HOGA1: variants seen among roughly 807,000 people sequenced by gnomAD.
HOGA1 encodes the protein 4-hydroxy-2-oxoglutarate aldolase 1.
HOGA1 carries 30 observed loss-of-function variants against 34.3 expected under a neutral mutation model. The ratio of observed to expected loss-of-function variants is 0.87; its 90% CI spans 0.65 to 1.19. The LOEUF (loss-of-function observed/expected upper bound fraction) is 1.19, where lower values mean the gene tolerates loss of function less well. HOGA1 is among the 50% of genes most tolerant of loss of function. The pLI, the probability that HOGA1 is intolerant of heterozygous loss-of-function variation, is 0.00. For missense variants in HOGA1, 417 were observed against 436.5 expected, an observed-to-expected ratio of 0.96 and a Z score of 0.40; for synonymous variants, 161 against 174.0, an observed-to-expected ratio of 0.93 and a Z score of 0.59.
chr10:97,591,531 G>A (rs980259096), intron 1 of HOGA1, among the ~76,000 whole-genome samples: 11 of 152,128 alleles, frequency 7.2e-5, no homozygotes, highest in African/African-American at 1.9e-4. Flanking sequence ...CTATCAACAC[G>A]TCACCTAAGG....
At position 97,611,580 on chromosome 10, in the gene HOGA1, G is replaced by C; in HGVS notation, c.905G>C (p.Cys302Ser). Reference sequence around the variant, plus strand: ...TGGTTTGGCTACTATGGAGGCCCCTGCCGCGCCCCCTTGCAGGAGCTGAGC... The same window carrying C: ...TGGTTTGGCTACTATGGAGGCCCCTCCCGCGCCCCCTTGCAGGAGCTGAGC... ...MDWFGYYGGP[C>S]RAPLQELSPA... Residue 302 changes from cysteine to serine, a missense_variant, in exon 7 of 7, where the codon TGC (cysteine) becomes TCC (serine). Physicochemically the swap from Cys to Ser is moderately radical, Grantham distance 112. Coordinates refer to ENST00000370646, the MANE Select transcript of HOGA1 (RefSeq NM_138413.4). 1 of 1,614,234 alleles carries C rather than the reference G, an allele frequency of 6.2e-7. No homozygotes were observed. Among genetic ancestry groups the C allele is most frequent in the African/African-American group, 1.3e-5 (1 of 75,068 alleles).
In HOGA1 at chr10:97,584,813, G is replaced by T. The variant is rs772722925; in HGVS notation, c.110G>T (p.Gly37Val). ...GAGGGGAAGAAGGTGGACATTGCGG[G>T]TATCTACCCCCCTGTGACCACCCCC... Reference protein sequence around the residue: ...SGEGKKVDIAGIYPPVTTPFT... With the variant: ...SGEGKKVDIAVIYPPVTTPFT... Residue 37 changes from glycine (G) to valine (V), a missense_variant, in exon 1 of 7, where the codon GGT becomes GTT. Physicochemically the swap from Gly to Val is moderately radical, Grantham distance 109 (BLOSUM62 -3). Coordinates refer to ENST00000370646, the MANE Select transcript of HOGA1 (RefSeq NM_138413.4). The T allele has an allele frequency of 1.3e-5, 21 of 1,614,058 alleles. No individual in the cohort carries two copies. Among genetic ancestry groups the T allele is most frequent in the Non-Finnish European group, 1.8e-5 (21 of 1,179,960 alleles).
intron 1 of HOGA1, chr10:97,590,658 C>T (rs1420225527): frequency 7.7e-7 from 1 of 1,296,312 alleles, no homozygotes; most frequent in East Asian, 2.3e-5. Context: ...TGTTTTCTCT[C>T]CTATGGGGCC....
chr10:97,588,420 A>G (rs992832415), intron 1 of HOGA1, among the ~76,000 whole-genome samples: 1 of 152,068 alleles, frequency 6.6e-6, no homozygotes, highest in African/African-American at 2.4e-5. Flanking sequence ...CGTGTTAGCC[A>G]GGATGGTCTC....
At chr10:97,591,860 ACAGAGT>A (rs1234560254) in intron 1 of HOGA1, among the ~76,000 whole-genome samples, 5 of 55,610 alleles carry the variant, frequency 9.0e-5, no homozygotes, top group African/African-American at 3.4e-4. Context: ...TGTGTGTGTG[ACAGAGT>A]CTCGCTTCAT....
At chr10:97,607,342 C>T (rs2041165158) in intron 6 of HOGA1, among the ~76,000 whole-genome samples, 1 of 152,172 alleles carries the variant, frequency 6.6e-6, no homozygotes, top group Non-Finnish European at 1.5e-5. Context: ...CAGCTGGGAG[C>T]GGGGGTGGCA....
chr10:97,593,044 A>AAAAAAAAAAAAAAAAAAAAAC, intron 1 of HOGA1, among the ~76,000 whole-genome samples: 1 of 150,918 alleles, frequency 6.6e-6, no homozygotes, highest in African/African-American at 2.4e-5. Flanking sequence ...AAAAAAAAAA[A>AAAAAAAAAAAAAAAAAAAAAC]AAAAAAAGAG....
At chr10:97,600,565 T>C (rs1291014545) in intron 5 of HOGA1, 2 of 306,246 alleles carry the variant, frequency 6.5e-6, no homozygotes, top group Non-Finnish European at 1.3e-5. Flanking sequence ...CAGAATGAAT[T>C]GTCAGATCTA....
intron 1 of HOGA1, among the ~76,000 whole-genome samples, chr10:97,595,026 A>G (rs2041058091): frequency 6.6e-6 from 1 of 152,208 alleles, no homozygotes; most frequent in African/African-American, 2.4e-5. Context: ...ACGCATAATA[A>G]TGTCTGGGGA....
chr10:97,606,522 T>C (rs1448461594), intron 6 of HOGA1, among the ~76,000 whole-genome samples: 1 of 152,302 alleles, frequency 6.6e-6, no homozygotes, highest in African/African-American at 2.4e-5. Flanking sequence ...CTTTCCTCCA[T>C]TGAACTGCTT....
chr10:97,592,240 C>CTTT (rs370993111), intron 1 of HOGA1, among the ~76,000 whole-genome samples: 4 of 121,092 alleles, frequency 3.3e-5, no homozygotes, highest in Non-Finnish European at 3.5e-5. Flanking sequence ...AATCCCTGTA[C>CTTT]TTTTTTTTTT....
intron 6 of HOGA1, 91 bp from the exon 7 acceptor site, chr10:97,611,419 C>G: frequency 6.8e-7 from 1 of 1,460,838 alleles, no homozygotes; most frequent in African/African-American, 1.4e-5. Context: ...GAGGGTAGGA[C>G]TTCAATGTTC....
At chr10:97,591,199 G>A (rs1391924357) in intron 1 of HOGA1, among the ~76,000 whole-genome samples, 1 of 152,108 alleles carries the variant, frequency 6.6e-6, no homozygotes, top group East Asian at 1.9e-4. Context: ...AGGAGAAACA[G>A]GCTTTCAGAG....
chr10:97,601,863 T>A lies in HOGA1; in HGVS notation c.707T>A (p.Val236Glu). 2.5e-6 allele frequency: 4 copies of A among 1,612,226 alleles called. No individual in the cohort carries two copies. The highest frequency in any genetic ancestry group is 3.4e-6 in the Non-Finnish European group (4 of 1,179,978). Residue 236 changes from valine to glutamate, a missense_variant, in exon 6 of 7, where the codon GTG becomes GAG. By Grantham distance (121) the Val-to-Glu change is moderately radical. Coordinates refer to ENST00000370646, the MANE Select transcript of HOGA1 (RefSeq NM_138413.4). ...TGCGTCTTACTTCGTGCAGGAGCTG[T>A]GGGGGGCGTCTGCGCCCTGGCCAAT... ...FLMASYALGA[V>E]GGVCALANVL...
intron 6 of HOGA1, among the ~76,000 whole-genome samples, chr10:97,604,903 T>C (rs1589910991): frequency 6.6e-6 from 1 of 152,108 alleles, no homozygotes; most frequent in African/African-American, 2.4e-5. Flanking sequence ...ATCGCTTGAA[T>C]GCGGCAGGTG....
At chr10:97,588,782 A>G (rs573481524) in intron 1 of HOGA1, among the ~76,000 whole-genome samples, 65 of 152,098 alleles carry the variant, frequency 4.3e-4, no homozygotes, top group African/African-American at 1.4e-3. Flanking sequence ...TAAAACCATT[A>G]CTCTGTTAAA....
At position 97,598,854 on chromosome 10, in the gene HOGA1, C is replaced by T; in HGVS notation, c.291C>T (p.Arg97=). The T allele has an allele frequency of 6.2e-7, 1 of 1,614,148 alleles. No homozygotes were observed. Among genetic ancestry groups the T allele is most frequent in the Non-Finnish European group, 8.5e-7 (1 of 1,180,034 alleles). The part of the protein sequence containing the change: ...SERLEVVSRV[R]QAMPKNRLLL... ...GCCTCGAGGTGGTGAGCCGTGTGCG[C>T]CAGGCCATGCCCAAGAACAGGCTCC... The change falls in exon 2 of 7, where the codon CGC becomes CGT. Residue 97 remains arginine (R), a synonymous_variant. Transcript: ENST00000370646.
rs190387929 is a variant in HOGA1 at position 97,594,688 on chromosome 10, A to G, written c.212-4087A>G. 5.5e-4 allele frequency among the ~76,000 whole-genome samples: 84 copies of G among 152,034 alleles called. No individual in the cohort carries two copies. The East Asian group carries it at 0.015, about 26-fold the overall frequency. ...TTTTTTTTAGTAGAGACAGGGTTTC[A>G]CCATGTTGGCCAGGCTGGTCTCGAA... On this transcript the variant is annotated intron_variant, in intron 1 of 6. Coordinates refer to ENST00000370646, the MANE Select transcript of HOGA1 (RefSeq NM_138413.4).
chr10:97,587,344 T>C (rs1053045506), intron 1 of HOGA1, among the ~76,000 whole-genome samples: 1 of 152,142 alleles, frequency 6.6e-6, no homozygotes, highest in African/African-American at 2.4e-5. Flanking sequence ...CCCAGCACTT[T>C]GGGAGGCCAA....
Sources: gnomAD v4.1 joint callset for allele counts (sites outside exome capture counted in the v4.1 genomes callset) on GRCh38, gnomAD v4.1.1 for gene constraint, MANE v1.5 for transcripts, NCBI Gene and HGNC (gene_info 2026-07-23, HGNC 2026-07-21) for gene names.